The following GPC5 variants were observed in gnomAD, a reference collection of about 807,000 sequenced individuals.
GPC5 encodes the protein glypican 5.
In GPC5, 47 loss-of-function variants were observed where a neutral mutation model predicts 53.9. The ratio of observed to expected loss-of-function variants is 0.87; its 90% CI spans 0.69 to 1.11. GPC5 has a LOEUF of 1.11. GPC5 is among the 50% of genes most tolerant of loss of function. The pLI is 0.00. For synonymous variants in GPC5, 286 were observed against 263.3 expected (o/e 1.09, Z -0.84); for missense variants, 748 against 713.1 (o/e 1.05, Z -0.56).
intron 5 of GPC5, among the ~76,000 whole-genome samples, chr13:91,827,904 T>G (rs573192074): frequency 6.6e-6 from 1 of 152,162 alleles, no homozygotes; most frequent in South Asian, 2.1e-4. Flanking sequence ...CACAGCATCA[T>G]TATTCAAAAT....
In GPC5 at chr13:91,618,885, C is replaced by A. The variant is rs140886036; in HGVS notation, c.326-74302C>A. Among the ~76,000 whole-genome samples, 1,354 of 151,996 alleles carry A rather than the reference C, an allele frequency of 8.9e-3. 19 individuals carry two copies. Among genetic ancestry groups the A allele is most frequent in the African/African-American group, 0.031 (1,278 of 41,452 alleles). ...AATAATCTTTGTATCCTTTCAAGGCCTATATTTAAAGCATCTGGTATATAG... is the reference window on the plus strand; with the variant it reads ...AATAATCTTTGTATCCTTTCAAGGCATATATTTAAAGCATCTGGTATATAG... On this transcript the variant is annotated intron_variant, in intron 2 of 7. Coordinates refer to ENST00000377067, the MANE Select transcript of GPC5 (RefSeq NM_004466.6).
intron 6 of GPC5, among the ~76,000 whole-genome samples, chr13:91,937,428 A>T (rs561498575): frequency 1.3e-5 from 2 of 152,140 alleles, no homozygotes; most frequent in South Asian, 2.1e-4. Context: ...GGAGGTGGGA[A>T]ATTGGGCCAG....
At chr13:92,668,473 T>C (rs1886644786) in intron 7 of GPC5, among the ~76,000 whole-genome samples, 1 of 152,152 alleles carries the variant, frequency 6.6e-6, no homozygotes, top group African/African-American at 2.4e-5. Context: ...AAGAGAATGT[T>C]TCAGTTTTTT....
intron 2 of GPC5, among the ~76,000 whole-genome samples, chr13:91,502,994 A>G (rs1884730244): frequency 6.6e-6 from 1 of 152,218 alleles, no homozygotes; most frequent in Non-Finnish European, 1.5e-5. Flanking sequence ...GATTTAAAGT[A>G]AATCAATTAC....
intron 2 of GPC5, among the ~76,000 whole-genome samples, chr13:91,544,994 C>G (rs1346392034): frequency 2.0e-5 from 3 of 152,164 alleles, no homozygotes; most frequent in Non-Finnish European, 2.9e-5. Context: ...CAATTCCTTT[C>G]CCCAGGGGTC....
chr13:91,815,779 A>G (rs2038390363), intron 5 of GPC5, among the ~76,000 whole-genome samples: 1 of 152,152 alleles, frequency 6.6e-6, no homozygotes, highest in African/African-American at 2.4e-5. Flanking sequence ...ACATACATAG[A>G]ATTCATTTTT....
intron 7 of GPC5, among the ~76,000 whole-genome samples, chr13:92,383,678 C>T (rs1397253037): frequency 6.6e-6 from 1 of 152,114 alleles, no homozygotes; most frequent in Non-Finnish European, 1.5e-5. Flanking sequence ...TCATGAATAT[C>T]TCTTTATGTA....
At chr13:92,552,640 T>G (rs771630862) in intron 7 of GPC5, among the ~76,000 whole-genome samples, 11 of 151,934 alleles carry the variant, frequency 7.2e-5, no homozygotes, top group Non-Finnish European at 1.5e-4. Flanking sequence ...TTCCATGCTC[T>G]GCATTGATTT....
intron 7 of GPC5, among the ~76,000 whole-genome samples, chr13:92,608,878 C>A (rs1200895622): frequency 2.0e-5 from 3 of 152,164 alleles, no homozygotes; most frequent in African/African-American, 7.2e-5. Context: ...GTATAGGGGG[C>A]AACTGTGCTA....
chr13:92,061,522 G>A lies in GPC5; in HGVS notation c.1402-83308G>A, dbSNP rs1040779602. Among the ~76,000 whole-genome samples, 6 of 151,968 alleles carry A rather than the reference G, an allele frequency of 3.9e-5. No individual in the cohort carries two copies. In the East Asian group the frequency reaches 7.7e-4, roughly 20 times the overall value. On this transcript the variant is annotated intron_variant, in intron 6 of 7. Coordinates refer to ENST00000377067, the MANE Select transcript of GPC5 (RefSeq NM_004466.6). ...TCAAACAGTATGAAAAAGTAATGCC[G>A]TTTCTATTTTATGGGAACGAAATTA...
At chr13:91,616,711 T>A (rs187118287) in intron 2 of GPC5, among the ~76,000 whole-genome samples, 31 of 152,306 alleles carry the variant, frequency 2.0e-4, no homozygotes, top group Non-Finnish European at 4.3e-4. Flanking sequence ...ATCATATATT[T>A]AATTGCTAGT....
intron 1 of GPC5, among the ~76,000 whole-genome samples, chr13:91,411,056 C>A (rs541560148): frequency 2.4e-3 from 361 of 152,272 alleles, no homozygotes; most frequent in African/African-American, 7.0e-3. Context: ...TTGCAGTGAC[C>A]CAAGATTGTG....
intron 2 of GPC5, among the ~76,000 whole-genome samples, chr13:91,488,983 C>T (rs536736141): frequency 6.6e-6 from 1 of 152,164 alleles, no homozygotes; most frequent in Non-Finnish European, 1.5e-5. Context: ...TGAAATAAGC[C>T]TGGTCTCCTG....
intron 7 of GPC5, among the ~76,000 whole-genome samples, chr13:92,195,115 G>A (rs2042248235): frequency 6.6e-6 from 1 of 152,054 alleles, no homozygotes; most frequent in Admixed American, 6.6e-5. Flanking sequence ...AAGACTGCAT[G>A]GCCCTTCAAG....
intron 3 of GPC5, among the ~76,000 whole-genome samples, chr13:91,711,576 A>T (rs1311240376): frequency 5.3e-5 from 8 of 152,234 alleles, no homozygotes; most frequent in African/African-American, 1.7e-4. Context: ...CACGTTGTGC[A>T]CATGTACCCT....
Position 92,866,280 on chromosome 13 carries a change from A to G in GPC5, c.1562-2A>G. 6.2e-7 allele frequency: 1 copy of G among 1,608,622 alleles called. No individual in the cohort carries two copies. Among genetic ancestry groups the G allele is most frequent in the Non-Finnish European group, 8.5e-7 (1 of 1,176,642 alleles). On this transcript the variant is annotated splice_acceptor_variant, in intron 7 of 7. Coordinates refer to ENST00000377067, the MANE Select transcript of GPC5 (RefSeq NM_004466.6). LOFTEE classifies it high-confidence loss of function. ...CCTGTGCTTTCTTATTTGCCTCTAC[A>G]GGGATGCCAGATGATATGAACTTCA...
At chr13:91,405,271 G>T (rs964257990) in intron 1 of GPC5, among the ~76,000 whole-genome samples, 3 of 152,120 alleles carry the variant, frequency 2.0e-5, no homozygotes, top group Non-Finnish European at 4.4e-5. Context: ...CCTGTGTATT[G>T]TAGAATGTTC....
intron 6 of GPC5, among the ~76,000 whole-genome samples, chr13:91,944,287 A>G (rs1023123181): frequency 5.9e-5 from 9 of 151,970 alleles, no homozygotes; most frequent in African/African-American, 1.9e-4. Flanking sequence ...TAGTAGAGCC[A>G]TGGTTTCACC....
In GPC5 at chr13:92,579,029, G is replaced by A. The variant is rs1287375153; in HGVS notation, c.1562-287253G>A. Among the ~76,000 whole-genome samples the A allele has an allele frequency of 7.9e-5, 12 of 152,240 alleles. No homozygotes were observed. In the East Asian group the frequency reaches 2.1e-3, roughly 27 times the overall value. ...AATTAACTGCAATAGTAGCTTCACA[G>A]GATGCTTACTAGGAAAGTTATTCAG... is the stretch of plus-strand genomic sequence containing the variant. On this transcript the variant is annotated intron_variant, in intron 7 of 7. Coordinates refer to ENST00000377067, the MANE Select transcript of GPC5 (RefSeq NM_004466.6).
Sources: gnomAD v4.1 joint callset for allele counts (sites outside exome capture counted in the v4.1 genomes callset) on GRCh38, gnomAD v4.1.1 for gene constraint, MANE v1.5 for transcripts, NCBI Gene and HGNC (gene_info 2026-07-23, HGNC 2026-07-21) for gene names.